Variants in UTRN observed in about 807,000 individuals in gnomAD.
UTRN encodes dystrophin-related protein 1.
In UTRN, 283 loss-of-function variants were observed where a neutral mutation model predicts 463.9. The ratio of observed to expected loss-of-function variants is 0.61; its 90% confidence interval spans 0.55 to 0.67. The LOEUF is 0.67. Ranked by LOEUF, UTRN falls within the 30% of genes least tolerant of loss-of-function variation. The pLI, the probability that UTRN is intolerant of heterozygous loss-of-function variation, is 0.00. For missense variants in UTRN, 3,922 were observed against 4,084.3 expected (o/e 0.96, Z 1.08); for synonymous variants, 1,442 against 1,431.5 (o/e 1.01, Z -0.17).
At chr6:144,639,088 A>AAATAT (rs1433459475) in intron 51 of UTRN, among the ~76,000 whole-genome samples, 10 of 148,312 alleles carry the variant, frequency 6.7e-5, no homozygotes, top group African/African-American at 2.4e-4. Context: ...AAATAAAATA[A>AAATAT]TAAAAATAAA....
chr6:144,304,607 T>A (rs184191480), intron 2 of UTRN, among the ~76,000 whole-genome samples: 3 of 152,132 alleles, frequency 2.0e-5, no homozygotes, highest in East Asian at 3.9e-4. Context: ...TCTGAAAGAA[T>A]GAGTGGGGAT....
intron 46 of UTRN, among the ~76,000 whole-genome samples, chr6:144,546,495 T>G (rs2128609465): frequency 6.6e-6 from 1 of 152,318 alleles, no homozygotes; most frequent in Non-Finnish European, 1.5e-5. Context: ...AAAAATAGCA[T>G]GTTTTTGTAA....
At chr6:144,757,731 G>A (rs1332262624) in intron 57 of UTRN, among the ~76,000 whole-genome samples, 198 bp from the exon 58 acceptor site, 1 of 152,016 alleles carries the variant, frequency 6.6e-6, no homozygotes, top group Non-Finnish European at 1.5e-5. Flanking sequence ...CCTTGAACCT[G>A]TATTGTTTCT....
intron 51 of UTRN, among the ~76,000 whole-genome samples, chr6:144,592,432 G>A (rs969580345): frequency 9.2e-5 from 14 of 152,096 alleles, no homozygotes; most frequent in South Asian, 2.1e-4. Context: ...GTGCAGTGGA[G>A]TAATCTCAGC....
At position 144,754,778 on chromosome 6, in the gene UTRN, C is replaced by G. The variant is rs1275264258; in HGVS notation, c.8414C>G (p.Ser2805Cys). The change falls in exon 57 of 75, where the codon TCC (serine) becomes TGC (cysteine). Residue 2805 changes from serine (S) to cysteine (C), a missense_variant. Coordinates refer to ENST00000367545, the MANE Select transcript of UTRN (RefSeq NM_007124.3). ...LQEAHRDFGP[S>C]SQHFLSTSVQ... is the part of the protein sequence containing the mutation. Reference sequence around the variant, plus strand: ...GAAGCCCACAGAGATTTTGGACCATCCTCTCAGCATTTTCTCTCTAGTAAG... The same window carrying G: ...GAAGCCCACAGAGATTTTGGACCATGCTCTCAGCATTTTCTCTCTAGTAAG... The G allele has an allele frequency of 6.2e-7, 1 of 1,613,410 alleles. No individual in the cohort carries two copies. Among genetic ancestry groups the G allele is most frequent in the Admixed American group, 1.7e-5 (1 of 59,920 alleles).
chr6:144,741,055 T>G lies in UTRN; in HGVS notation c.7940-7191T>G, dbSNP rs150985253. Among the ~76,000 whole-genome samples, 881 of 152,340 alleles carry G rather than the reference T, an allele frequency of 5.8e-3. 6 individuals are homozygous for G. The highest frequency in any genetic ancestry group is 0.018 in the African/African-American group (758 of 41,584). ...TTGAGCGTGGTATAATGTACTTATG[T>G]TTTGTGATTGTTGTTGTTCTTAGTA... On this transcript the variant is annotated intron_variant, in intron 54 of 74. Coordinates refer to ENST00000367545, the MANE Select transcript of UTRN (RefSeq NM_007124.3).
chr6:144,493,249 G>A lies in UTRN; in HGVS notation c.4438-52G>A, dbSNP rs553555833. The A allele has an allele frequency of 4.4e-4, 699 of 1,581,322 alleles. 5 individuals carry two copies. The South Asian group carries it at 7.7e-3, about 17-fold the overall frequency. ...CTGTGGTCTGACATGATGCCAGTTG[G>A]CAAGTTGTCACCACAGTGTGTAATT... On this transcript the variant is annotated intron_variant, in intron 32 of 74. Coordinates refer to ENST00000367545, the MANE Select transcript of UTRN (RefSeq NM_007124.3).
At chr6:144,300,199 C>T (rs1805112272) in intron 2 of UTRN, among the ~76,000 whole-genome samples, 1 of 151,888 alleles carries the variant, frequency 6.6e-6, no homozygotes, top group South Asian at 2.1e-4. Flanking sequence ...AAGTGATTCT[C>T]CCACCTCAGC....
At position 144,435,937 on chromosome 6, in the gene UTRN, T is replaced by C. The variant is rs1442822057; in HGVS notation, c.858T>C (p.Ser286=). The change falls in exon 10 of 75, where the codon AGT becomes AGC. Residue 286 remains serine (S), a splice_region_variant and synonymous_variant. Transcript: ENST00000367545. ...ECEEEAINIQ[S]TAPEEEHESP... ...TTTTCTTGGCTTTGTTTTTACAGAG[T>C]ACAGCGCCTGAGGAGGAGCATGAGA... The C allele has an allele frequency of 6.2e-7, 1 of 1,613,568 alleles. No homozygotes were observed. The highest frequency in any genetic ancestry group is 8.5e-7 in the Non-Finnish European group (1 of 1,179,980).
At chr6:144,516,156 A>G in intron 37 of UTRN, 73 bp from the exon 38 acceptor site, 1 of 1,455,326 alleles carries the variant, frequency 6.9e-7, no homozygotes, top group South Asian at 1.2e-5. Context: ...CTCTCTTGAC[A>G]CCCCATCTCT....
At chr6:144,540,178 T>C (rs1797869744) in intron 45 of UTRN, among the ~76,000 whole-genome samples, 3 of 152,304 alleles carry the variant, frequency 2.0e-5, no homozygotes, top group Admixed American at 1.3e-4. Flanking sequence ...TGTAATGGCA[T>C]GTGACTACAA....
chr6:144,321,572 C>T (rs776873964), intron 2 of UTRN, among the ~76,000 whole-genome samples: 10 of 148,660 alleles, frequency 6.7e-5, no homozygotes, highest in East Asian at 2.0e-4. Context: ...CGGGTTCAAG[C>T]GATTCTCCTG....
At chr6:144,814,239 C>G (rs1213600734) in intron 65 of UTRN, among the ~76,000 whole-genome samples, 2 of 152,148 alleles carry the variant, frequency 1.3e-5, no homozygotes, top group Non-Finnish European at 2.9e-5. Context: ...GCTCTCTCTT[C>G]CCTTCCACCA....
At chr6:144,405,515 C>A (rs548708081) in intron 3 of UTRN, among the ~76,000 whole-genome samples, 1 of 151,724 alleles carries the variant, frequency 6.6e-6, no homozygotes, top group Non-Finnish European at 1.5e-5. Flanking sequence ...TTGAAGGGAA[C>A]GAATTTTTTT....
intron 2 of UTRN, among the ~76,000 whole-genome samples, chr6:144,364,892 G>T (rs1182101441): frequency 6.6e-6 from 1 of 152,106 alleles, no homozygotes; most frequent in Non-Finnish European, 1.5e-5. Flanking sequence ...CTCGTTGCTC[G>T]CTCTGCTATT....
intron 51 of UTRN, among the ~76,000 whole-genome samples, chr6:144,622,531 C>T (rs1034889631): frequency 4.6e-5 from 7 of 152,118 alleles, no homozygotes; most frequent in Middle Eastern, 3.4e-3. Context: ...ATTTTTATGA[C>T]ATCAAATTTA....
intron 51 of UTRN, among the ~76,000 whole-genome samples, chr6:144,618,670 A>T (rs1188811072): frequency 6.6e-6 from 1 of 152,072 alleles, no homozygotes. Context: ...ACAGATATTT[A>T]TTTTTGTGCC....
intron 52 of UTRN, among the ~76,000 whole-genome samples, chr6:144,694,225 T>A (rs1274581780): frequency 1.5e-5 from 2 of 129,746 alleles, no homozygotes; most frequent in Non-Finnish European, 3.5e-5. Context: ...CCTTGCATCC[T>A]AGGGATAAAG....
chr6:144,315,889 C>T lies in UTRN; in HGVS notation c.79+23982C>T, dbSNP rs143411921. Reference sequence around the variant, plus strand: ...ATTACCATGATTTGCCAGATGAGAACGTCATGGCGCTGTGAACTGCTGAAG... The same window carrying T: ...ATTACCATGATTTGCCAGATGAGAATGTCATGGCGCTGTGAACTGCTGAAG... On this transcript the variant is annotated intron_variant, in intron 2 of 74. Transcript: ENST00000367545. 3.9e-5 allele frequency among the ~76,000 whole-genome samples: 6 copies of T among 152,272 alleles called. No individual in the cohort carries two copies. In the East Asian group the frequency reaches 9.6e-4, roughly 24 times the overall value.
Sources: gnomAD v4.1 joint callset for allele counts (sites outside exome capture counted in the v4.1 genomes callset) on GRCh38, gnomAD v4.1.1 for gene constraint, MANE v1.5 for transcripts, NCBI Gene and HGNC (gene_info 2026-07-23, HGNC 2026-07-21) for gene names.